The following TNRC18 variants were observed in gnomAD, a reference collection of about 807,000 sequenced individuals.
The protein encoded by TNRC18 is trinucleotide repeat-containing gene 18 protein.
A neutral mutation model predicts 226.7 loss-of-function variants in TNRC18; 69 were observed. The ratio of observed to expected loss-of-function variants is 0.30; its 90% CI spans 0.25 to 0.37. The LOEUF is 0.37. TNRC18 is among the 10% of genes least tolerant of loss of function. The pLI is 1.00. For missense variants in TNRC18, 4,754 were observed against 4,256.6 expected (o/e 1.12, Z -3.25); for synonymous variants, 2,449 against 1,927.6 (o/e 1.27, Z -7.09).
At chr7:5,357,432 G>A (rs931426400) in intron 15 of TNRC18, among the ~76,000 whole-genome samples, 156 bp from the exon 16 acceptor site, 1 of 151,856 alleles carries the variant, frequency 6.6e-6, no homozygotes, top group African/African-American at 2.4e-5. Flanking sequence ...TTTTTTTAGA[G>A]ACGGAGTCTC....
At chr7:5,360,146 G>C (rs1014622739) in intron 14 of TNRC18, among the ~76,000 whole-genome samples, 2 of 152,184 alleles carry the variant, frequency 1.3e-5, no homozygotes, top group African/African-American at 4.8e-5. Flanking sequence ...CTCACTGTGT[G>C]TCTTGCACTG....
rs769934376 is a variant in TNRC18 at position 5,352,075 on chromosome 7, G to A, written c.5214C>T (p.Asp1738=). ...SYSYNTDSEE[D]EEFLKDEWPA... The stretch of plus-strand genomic sequence containing the variant: ...GCCACTCGTCCTTCAGGAATTCTTC[G>A]TCTTCCTCTGAGTCCGTATCTGCAG... Residue 1738 remains aspartate, a synonymous_variant, in exon 17 of 30, where the codon GAC becomes GAT. Transcript: ENST00000430969. 31 of 1,608,950 alleles carry A rather than the reference G, an allele frequency of 1.9e-5. No homozygotes were observed. The highest frequency in any genetic ancestry group is 2.7e-5 in the African/African-American group (2 of 74,768).
chr7:5,390,609 A>G lies in TNRC18; in HGVS notation c.363T>C (p.Ser121=). The G allele has an allele frequency of 1.9e-6, 3 of 1,592,502 alleles. No individual in the cohort carries two copies. The highest frequency in any genetic ancestry group is 1.8e-5 in the Admixed American group (1 of 56,602). ...GGTGGAGGTAGGATGGGTACAGCCCACTGGGCAGGTGGGAGAAGCCTGTAA... is the reference window on the plus strand; with the variant it reads ...GGTGGAGGTAGGATGGGTACAGCCCGCTGGGCAGGTGGGAGAAGCCTGTAA... The part of the protein sequence containing the change: ...HAHEGFSHLP[S]GLYPSYLHLN... The change falls in exon 4 of 30, where the codon AGT becomes AGC. Residue 121 remains serine, a synonymous_variant. Coordinates refer to ENST00000430969, the MANE Select transcript of TNRC18 (RefSeq NM_001080495.3).
intron 16 of TNRC18, among the ~76,000 whole-genome samples, chr7:5,354,587 C>T (rs1475137474): frequency 6.6e-6 from 1 of 152,088 alleles, no homozygotes; most frequent in African/African-American, 2.4e-5. Flanking sequence ...GGAGCCTAGG[C>T]TACACTGCTC....
intron 17 of TNRC18, among the ~76,000 whole-genome samples, chr7:5,346,592 T>C (rs1044813510): frequency 6.6e-6 from 1 of 152,156 alleles, no homozygotes; most frequent in Non-Finnish European, 1.5e-5. Context: ...GAGGATCACT[T>C]GAGCCCAGGA....
intron 16 of TNRC18, among the ~76,000 whole-genome samples, chr7:5,353,871 G>A (rs1411458904): frequency 6.6e-6 from 1 of 152,202 alleles, no homozygotes; most frequent in African/African-American, 2.4e-5. Flanking sequence ...GGACAGTGGA[G>A]TTTTCGACAC....
At chr7:5,372,762 C>T (rs1360077484) in intron 10 of TNRC18, among the ~76,000 whole-genome samples, 1 of 152,074 alleles carries the variant, frequency 6.6e-6, no homozygotes, top group African/African-American at 2.4e-5. Context: ...TGGTCTCAAG[C>T]CTACAATCCC....
intron 5 of TNRC18, among the ~76,000 whole-genome samples, chr7:5,382,768 T>A (rs994652887): frequency 1.3e-5 from 2 of 152,070 alleles, no homozygotes; most frequent in Non-Finnish European, 2.9e-5. Context: ...CCTTGCCTCA[T>A]CCCTGCAGGC....
intron 18 of TNRC18, among the ~76,000 whole-genome samples, chr7:5,335,029 C>T (rs2128129683): frequency 6.6e-6 from 1 of 152,204 alleles, no homozygotes; most frequent in East Asian, 1.9e-4. Context: ...TGGCCAGGCA[C>T]AGTGGCTCAC....
chr7:5,338,202 T>G (rs1408882691), intron 18 of TNRC18, among the ~76,000 whole-genome samples: 1 of 152,102 alleles, frequency 6.6e-6, no homozygotes, highest in Non-Finnish European at 1.5e-5. Flanking sequence ...AAAATGATAC[T>G]GAGAAAGCTA....
chr7:5,366,316 A>ATTTT (rs1793615937), intron 11 of TNRC18, among the ~76,000 whole-genome samples: 6 of 53,682 alleles, frequency 1.1e-4, no homozygotes, highest in South Asian at 1.4e-3. Context: ...CTCTTCTTAT[A>ATTTT]TCTTTTTTTT....
At chr7:5,378,407 TTTA>T (rs1779161134) in intron 5 of TNRC18, among the ~76,000 whole-genome samples, 1 of 151,712 alleles carries the variant, frequency 6.6e-6, no homozygotes, top group South Asian at 2.1e-4. Flanking sequence ...TTTATTTTAT[TTTA>T]TTTTTATTTA....
intron 16 of TNRC18, 85 bp downstream of exon 16, chr7:5,356,831 G>GT (rs1491250153): frequency 3.9e-6 from 5 of 1,295,806 alleles, no homozygotes; most frequent in African/African-American, 5.7e-5. Flanking sequence ...AGTGAGGGGC[G>GT]GGGGGGGAAG....
rs1437164247 is a variant in TNRC18 at position 5,371,361 on chromosome 7, A to T, written c.3233T>A (p.Ile1078Asn). The T allele has an allele frequency of 6.6e-7, 1 of 1,507,160 alleles. No individual in the cohort carries two copies. The highest frequency in any genetic ancestry group is 8.8e-7 in the Non-Finnish European group (1 of 1,134,438). 93.4% of individuals were successfully genotyped at this position (1,507,160 alleles called of 1,614,324 possible). A position where few individuals can be genotyped will look rare whatever the true frequency, so the allele number is the denominator to read the frequency against. Residue 1078 changes from isoleucine (I) to asparagine (N), a missense_variant, in exon 11 of 30, where the codon ATC (isoleucine) becomes AAC (asparagine). Transcript: ENST00000430969. Reference protein sequence around the residue: ...PSPFQALFSDIPPRYPFQALP... With the variant: ...PSPFQALFSDNPPRYPFQALP... ...GGCTTGGAACGGGTACCTGGGCGGG[A>T]TATCTGCCAAGGACACAGGGGTCAG... is the stretch of plus-strand genomic sequence containing the variant.
Position 5,324,316 on chromosome 7 carries a change from T to C in TNRC18, c.6340A>G (p.Ser2114Gly). ...KGGAVSKLME[S>G]MAAEEDFEPN... is the part of the protein sequence containing the mutation. ...TCAAAGTCCTCCTCGGCTGCCATGC[T>C]CTCCATCAGCTTGCTCACGGCACCC... Residue 2114 changes from serine (S) to glycine (G), a missense_variant, in exon 21 of 30, where the codon AGC (serine) becomes GGC (glycine). Physicochemically the swap from Ser to Gly is moderately conservative, Grantham distance 56. Transcript: ENST00000430969. This position sits in a 1 kb window ranked among gnomAD's most constrained non-coding sequence, Gnocchi z 4.8. The C allele has an allele frequency of 6.2e-7, 1 of 1,613,510 alleles. No individual in the cohort carries two copies.
Position 5,370,734 on chromosome 7 carries a change from G to T in TNRC18, c.3860C>A (p.Ser1287Tyr), listed in dbSNP as rs61745241. Residue 1287 changes from serine to tyrosine, a missense_variant, in exon 11 of 30, where the codon TCC (serine) becomes TAC (tyrosine). Ser to Tyr is a moderately radical substitution (Grantham distance 144, BLOSUM62 -2). Transcript: ENST00000430969. The part of the protein sequence containing the change: ...EGLAQVAPSE[S>Y]QPTLEMSDCD... ...GTCTGACATTTCTAGGGTGGGCTGGGACTCGCTCGGTGCCACCTGCGCCAG... is the reference window on the plus strand; with the variant it reads ...GTCTGACATTTCTAGGGTGGGCTGGTACTCGCTCGGTGCCACCTGCGCCAG... 10 of 1,605,524 alleles carry T rather than the reference G, an allele frequency of 6.2e-6. No homozygotes were observed. In the African/African-American group the frequency reaches 1.3e-4, roughly 21 times the overall value.
chr7:5,361,866 G>A, intron 13 of TNRC18, 31 bp downstream of exon 13: 1 of 1,522,768 alleles, frequency 6.6e-7, no homozygotes, highest in Non-Finnish European at 8.8e-7. Flanking sequence ...CGGGGCAGGG[G>A]CCCCACGGGG....
At position 5,388,862 on chromosome 7, in the gene TNRC18, G is replaced by C. The variant is rs1361757960; in HGVS notation, c.962C>G (p.Thr321Arg). The C allele has an allele frequency of 2.1e-5, 27 of 1,280,292 alleles. No individual in the cohort carries two copies. The highest frequency in any genetic ancestry group is 2.7e-5 in the Non-Finnish European group (27 of 1,009,856). 79.3% of individuals were successfully genotyped at this position (1,280,292 alleles called of 1,614,324 possible). The change falls in exon 5 of 30, where the codon ACG becomes AGG. Residue 321 changes from threonine to arginine, a missense_variant. Coordinates refer to ENST00000430969, the MANE Select transcript of TNRC18 (RefSeq NM_001080495.3). ...QDEGARLLRR[T>R]ETLLPGPRPC... ...GCGCGGCCCAGGGAGCAGGGTCTCC[G>C]TGCGCCGCAGCAGCCGCGCGCCCTC...
intron 5 of TNRC18, among the ~76,000 whole-genome samples, chr7:5,384,992 A>G (rs929782888): frequency 1.3e-5 from 2 of 152,236 alleles, no homozygotes; most frequent in Non-Finnish European, 2.9e-5. Context: ...CAAAATCCAA[A>G]GACTTCAGGG....
Sources: gnomAD v4.1 joint callset for allele counts (sites outside exome capture counted in the v4.1 genomes callset) on GRCh38, gnomAD v4.1.1 for gene constraint, Gnocchi (gnomAD v3.1) non-coding constraint, MANE v1.5 for transcripts, NCBI Gene and HGNC (gene_info 2026-07-23, HGNC 2026-07-21) for gene names.